Variants in TIAM2 observed in about 807,000 individuals in gnomAD.
The protein encoded by TIAM2 is rho guanine nucleotide exchange factor TIAM2.
Under a neutral mutation model 152.9 loss-of-function variants are expected in TIAM2, and 80 were observed. That is an observed-to-expected ratio of 0.52 (90% CI 0.44 to 0.63). TIAM2 has a LOEUF of 0.63. TIAM2 is among the 30% of genes least tolerant of loss of function. The pLI, the probability that TIAM2 is intolerant of heterozygous loss-of-function variation, is 0.00. For missense variants in TIAM2, 1,965 were observed against 2,120.1 expected (o/e 0.93, Z 1.44); for synonymous variants, 804 against 838.0 (o/e 0.96, Z 0.70).
intron 1 of TIAM2, among the ~76,000 whole-genome samples, chr6:155,064,057 A>G (rs1184300560): frequency 2.0e-5 from 3 of 152,198 alleles, no homozygotes; most frequent in African/African-American, 7.2e-5. Flanking sequence ...CATATGCATC[A>G]TATGTAAAGG....
Position 155,055,560 on chromosome 6 carries a change from C to T in TIAM2, c.-208-34729C>T, listed in dbSNP as rs76651954. Among the ~76,000 whole-genome samples, 1,231 of 152,278 alleles carry T rather than the reference C, an allele frequency of 8.1e-3. 11 individuals are homozygous for T. The highest frequency in any genetic ancestry group is 0.013 in the Non-Finnish European group (911 of 68,026). Reference sequence around the variant, plus strand: ...CGTACGTGAGATTTTTGTGCCTGTGCTCCCTTAATGCACATGTTTAAACTG... The same window carrying T: ...CGTACGTGAGATTTTTGTGCCTGTGTTCCCTTAATGCACATGTTTAAACTG... On this transcript the variant is annotated intron_variant, in intron 1 of 26. Transcript: ENST00000682666.
At chr6:155,243,917 G>A in intron 16 of TIAM2, 94 bp from the exon 17 acceptor site, 1 of 784,854 alleles carries the variant, frequency 1.3e-6, no homozygotes, top group Non-Finnish European at 2.2e-6. Context: ...CCTGATGGGA[G>A]CCTTGGGAGC....
chr6:155,244,933 T>C, intron 18 of TIAM2, 150 bp downstream of exon 18: 1 of 1,024,482 alleles, frequency 9.8e-7, no homozygotes, highest in Non-Finnish European at 1.3e-6. Flanking sequence ...CGTTTTCCTC[T>C]GTCAGGTGGT....
intron 1 of TIAM2, among the ~76,000 whole-genome samples, chr6:155,056,364 G>A (rs937872764): frequency 2.0e-5 from 3 of 151,808 alleles, no homozygotes; most frequent in African/African-American, 7.3e-5. Context: ...TAGAGACGGG[G>A]TTTCACCATG....
At chr6:155,216,957 A>AT (rs1219508950) in intron 15 of TIAM2, 13 of 1,221,562 alleles carry the variant, frequency 1.1e-5, no homozygotes, top group East Asian at 6.3e-5. Flanking sequence ...GCAGTTTGGG[A>AT]TTTTTTTCAT....
Position 155,177,088 on chromosome 6 carries a change from G to A in TIAM2, c.2523+111G>A, listed in dbSNP as rs748775466. The stretch of plus-strand genomic sequence containing the variant: ...TTCAAGGGCCCAGTTTCCATGCCAG[G>A]GAACATATTAGCATATTTATTAGTT... On this transcript the variant is annotated intron_variant, in intron 10 of 26. Transcript: ENST00000682666. 5.8e-6 allele frequency: 6 copies of A among 1,026,980 alleles called. No homozygotes were observed. The Admixed American group carries it at 1.1e-4, about 18-fold the overall frequency. 63.6% of individuals were successfully genotyped at this position (1,026,980 alleles called of 1,614,324 possible).
chr6:155,249,154 A>AG lies in TIAM2; in HGVS notation c.3833-696dup, dbSNP rs1783506378. 2.0e-5 allele frequency among the ~76,000 whole-genome samples: 3 copies of AG among 152,174 alleles called. No homozygotes were observed. In the South Asian group the frequency reaches 6.2e-4, roughly 32 times the overall value. ...GTTAGAATTAAAATGCTGAATTGGG[A>AG]GAAAAAAAAGTATAAAGAATACTGA... On this transcript the variant is annotated intron_variant, in intron 20 of 26. Coordinates refer to ENST00000682666, the MANE Select transcript of TIAM2 (RefSeq NM_012454.4).
intron 2 of TIAM2, among the ~76,000 whole-genome samples, chr6:155,102,525 A>C (rs1322687785): frequency 1.3e-5 from 2 of 152,092 alleles, no homozygotes; most frequent in African/African-American, 4.8e-5. Context: ...ATAATTTGTC[A>C]TGTGATAGTG....
At chr6:155,067,304 C>T (rs574081322) in intron 1 of TIAM2, among the ~76,000 whole-genome samples, 1 of 152,104 alleles carries the variant, frequency 6.6e-6, no homozygotes, top group Admixed American at 6.6e-5. Flanking sequence ...CCCAAGCGTC[C>T]TCTCTCTCCA....
chr6:155,244,112 T>C (rs573457257), intron 17 of TIAM2, 33 bp downstream of exon 17: 1 of 1,590,400 alleles, frequency 6.3e-7, no homozygotes, highest in Non-Finnish European at 8.6e-7. Flanking sequence ...TGTCCAGTGA[T>C]CCACAGGTTA....
At chr6:155,028,829 TTATA>T (rs551681146) in intron 1 of TIAM2, among the ~76,000 whole-genome samples, 2 of 128,560 alleles carry the variant, frequency 1.6e-5, no homozygotes, top group African/African-American at 3.3e-5. Flanking sequence ...ATATACTGTG[TTATA>T]TATATACTAT....
At chr6:155,251,520 C>T (rs1163386785) in intron 22 of TIAM2, among the ~76,000 whole-genome samples, 1 of 152,178 alleles carries the variant, frequency 6.6e-6, no homozygotes, top group African/African-American at 2.4e-5. Flanking sequence ...CTCCTGACCT[C>T]AGGTGATCCA....
chr6:155,010,545 T>A (rs1039049313), intron 1 of TIAM2, among the ~76,000 whole-genome samples: 39 of 152,164 alleles, frequency 2.6e-4, no homozygotes, highest in Non-Finnish European at 4.6e-4. Context: ...AGCCTGTGCC[T>A]CCTGGGTTCA....
chr6:155,100,417 G>C (rs557064759), intron 2 of TIAM2, among the ~76,000 whole-genome samples: 133 of 152,290 alleles, frequency 8.7e-4, no homozygotes, highest in African/African-American at 3.0e-3. Flanking sequence ...TTGCTTGATG[G>C]GCAGTGATCG....
intron 15 of TIAM2, among the ~76,000 whole-genome samples, chr6:155,211,703 T>C (rs1263584195): frequency 1.3e-5 from 2 of 152,176 alleles, no homozygotes; most frequent in East Asian, 3.8e-4. Context: ...AATGTTGTCA[T>C]TTTGTGTGAT....
chr6:155,067,096 A>G (rs1318724523), intron 1 of TIAM2, among the ~76,000 whole-genome samples: 1 of 152,304 alleles, frequency 6.6e-6, no homozygotes, highest in East Asian at 1.9e-4. Context: ...GCAGGGTTAC[A>G]TTAAAGACCT....
Position 155,215,084 on chromosome 6 carries a change from G to A in TIAM2, c.3168+3777G>A, listed in dbSNP as rs565125816. ...CTCACTTAACACCGTGAGGGATAAC[G>A]ACTTCTCGTCTCTTATGATCTGCTT... is the stretch of plus-strand genomic sequence containing the variant. On this transcript the variant is annotated intron_variant, in intron 15 of 26. Coordinates refer to ENST00000682666, the MANE Select transcript of TIAM2 (RefSeq NM_012454.4). Among the ~76,000 whole-genome samples the A allele has an allele frequency of 3.9e-5, 6 of 152,314 alleles. No homozygotes were observed. In the East Asian group the frequency reaches 7.7e-4, roughly 20 times the overall value.
chr6:155,245,664 G>A lies in TIAM2; in HGVS notation c.3585G>A (p.Ala1195=), dbSNP rs201618143. ...TTGGAGGCTCTTTCCTTTATTACGC[G>A]GACCACTTTAAACTGTACAGTGGAT... ...FSLGGSFLYY[A]DHFKLYSGFC... is the part of the protein sequence containing the mutation. The change falls in exon 19 of 27, where the codon GCG becomes GCA. Residue 1195 remains alanine, a synonymous_variant. Coordinates refer to ENST00000682666, the MANE Select transcript of TIAM2 (RefSeq NM_012454.4). The A allele has an allele frequency of 4.0e-5, 64 of 1,613,580 alleles. No individual in the cohort carries two copies. The highest frequency in any genetic ancestry group is 2.2e-4 in the Admixed American group (13 of 59,962).
intron 6 of TIAM2, among the ~76,000 whole-genome samples, chr6:155,145,332 G>A (rs867803683): frequency 4.6e-5 from 7 of 152,060 alleles, no homozygotes; most frequent in South Asian, 2.1e-4. Flanking sequence ...AGAACATGGC[G>A]GTACTGAGCC....
Sources: gnomAD v4.1 joint callset for allele counts (sites outside exome capture counted in the v4.1 genomes callset) on GRCh38, gnomAD v4.1.1 for gene constraint, MANE v1.5 for transcripts, NCBI Gene and HGNC (gene_info 2026-07-23, HGNC 2026-07-21) for gene names.